Variants in TICRR observed in about 807,000 individuals in gnomAD.
TICRR encodes the protein TOPBP1 interacting checkpoint and replication regulator.
TICRR carries 132 observed loss-of-function variants against 178.1 expected under a neutral mutation model. That is an observed-to-expected ratio of 0.74 (90% CI 0.64 to 0.86). TICRR has a LOEUF of 0.86. Among genes scored for constraint, TICRR ranks in the 40% least tolerant of loss-of-function variants. The pLI is 0.00. For synonymous variants in TICRR, 991 were observed against 900.7 expected (o/e 1.10, Z -1.79); for missense variants, 2,587 against 2,334.3 (o/e 1.11, Z -2.23).
At chr15:89,617,448 A>C (rs1963353071) in intron 16 of TICRR, among the ~76,000 whole-genome samples, 1 of 152,208 alleles carries the variant, frequency 6.6e-6, no homozygotes, top group African/African-American at 2.4e-5. Context: ...TTTTTAATAT[A>C]TTAATGGGGT....
intron 1 of TICRR, among the ~76,000 whole-genome samples, chr15:89,578,870 C>G (rs941671189): frequency 2.6e-5 from 4 of 152,156 alleles, no homozygotes; most frequent in African/African-American, 7.2e-5. Flanking sequence ...TATTCAAAAA[C>G]CTGCCCAGCC....
In TICRR at chr15:89,602,867, A is replaced by T; in HGVS notation, c.2639A>T (p.Lys880Ile). 6.5e-7 allele frequency: 1 copy of T among 1,529,950 alleles called. No individual in the cohort carries two copies. Among genetic ancestry groups the T allele is most frequent in the Non-Finnish European group, 8.8e-7 (1 of 1,138,950 alleles). 94.8% of individuals were successfully genotyped at this position (1,529,950 alleles called of 1,614,324 possible). ...AATCTTCGACAAATTGAAATTCCTA[A>T]AGTGTCAAAGAGAGCTACGAAAAAA... ...SQNLRQIEIP[K>I]VSKRATKKEN... Residue 880 changes from lysine (K) to isoleucine (I), a missense_variant, in exon 13 of 22, where the codon AAA (lysine) becomes ATA (isoleucine). Physicochemically the swap from Lys to Ile is moderately radical, Grantham distance 102. Coordinates refer to ENST00000268138, the MANE Select transcript of TICRR (RefSeq NM_152259.4).
intron 4 of TICRR, among the ~76,000 whole-genome samples, chr15:89,590,985 T>C (rs1458682603): frequency 6.6e-6 from 1 of 152,232 alleles, no homozygotes; most frequent in African/African-American, 2.4e-5. Context: ...TCCATCAGGC[T>C]TATTTTAAGA....
At chr15:89,618,842 C>T (rs987191638) in intron 17 of TICRR, among the ~76,000 whole-genome samples, 1 of 152,176 alleles carries the variant, frequency 6.6e-6, no homozygotes, top group African/African-American at 2.4e-5. Context: ...TCCTATGGTC[C>T]CAGCTACTCG....
intron 4 of TICRR, among the ~76,000 whole-genome samples, chr15:89,586,719 T>C (rs1293444842): frequency 6.6e-6 from 1 of 152,116 alleles, no homozygotes; most frequent in Non-Finnish European, 1.5e-5. Flanking sequence ...GAGTTGCTGG[T>C]AGAGGCGACA....
chr15:89,578,354 G>A (rs1250515716), intron 1 of TICRR, among the ~76,000 whole-genome samples: 2 of 152,142 alleles, frequency 1.3e-5, no homozygotes, highest in African/African-American at 2.4e-5. Flanking sequence ...CAAAAAAGGC[G>A]TGGCAAATGC....
rs1256062348 is a variant in TICRR, at chr15:89,616,504, C to A, written c.2960+9C>A. ...AGACAAATCAAGGGCAGGTGAGTGACATCCCCATCCGGGCTTCTTCATACA... is the reference window on the plus strand; with the variant it reads ...AGACAAATCAAGGGCAGGTGAGTGAAATCCCCATCCGGGCTTCTTCATACA... On this transcript the variant is annotated intron_variant, in intron 16 of 21. Transcript: ENST00000268138. 1.9e-6 allele frequency: 3 copies of A among 1,612,706 alleles called. No individual in the cohort carries two copies. The highest frequency in any genetic ancestry group is 2.5e-6 in the Non-Finnish European group (3 of 1,179,026).
intron 8 of TICRR, among the ~76,000 whole-genome samples, chr15:89,600,169 G>T (rs142243319): frequency 9.1e-4 from 138 of 152,232 alleles, no homozygotes; most frequent in African/African-American, 2.8e-3. Flanking sequence ...TGGGGTTGGC[G>T]CTTTTAAAAA....
At chr15:89,614,455 T>A (rs1463473980) in intron 15 of TICRR, among the ~76,000 whole-genome samples, 1 of 151,920 alleles carries the variant, frequency 6.6e-6, no homozygotes, top group Non-Finnish European at 1.5e-5. Flanking sequence ...GCCTCCCAAG[T>A]AGCTAGCTGG....
intron 14 of TICRR, among the ~76,000 whole-genome samples, chr15:89,607,177 G>GA (rs1269328257): frequency 6.6e-6 from 1 of 151,938 alleles, no homozygotes; most frequent in African/African-American, 2.4e-5. Context: ...TAAATTTAGG[G>GA]AAAAAAATAC....
At chr15:89,583,126 T>G (rs897441703) in intron 2 of TICRR, among the ~76,000 whole-genome samples, 161 bp downstream of exon 2, 1 of 151,854 alleles carries the variant, frequency 6.6e-6, no homozygotes, top group Non-Finnish European at 1.5e-5. Context: ...TCAGAGATAC[T>G]GTAGGAAAGA....
chr15:89,613,091 C>T (rs1186129307), intron 15 of TICRR, among the ~76,000 whole-genome samples: 2 of 152,134 alleles, frequency 1.3e-5, no homozygotes, highest in Admixed American at 6.5e-5. Flanking sequence ...CACAGGACTC[C>T]TTTTAGTATT....
At chr15:89,599,622 C>G (rs1262900783) in intron 8 of TICRR, 147 bp downstream of exon 8, 3 of 747,710 alleles carry the variant, frequency 4.0e-6, no homozygotes, top group East Asian at 5.5e-5. Context: ...AAGTACAGTT[C>G]CAGATCTCAG....
At chr15:89,602,913 G>A (rs1963120128) in intron 13 of TICRR, 21 bp downstream of exon 13, 1 of 1,350,952 alleles carries the variant, frequency 7.4e-7, no homozygotes, top group Non-Finnish European at 9.9e-7. Context: ...CTTCCAGCTT[G>A]AGATGACACA....
chr15:89,620,951 G>A (rs1184499897), intron 18 of TICRR, among the ~76,000 whole-genome samples: 1 of 150,990 alleles, frequency 6.6e-6, no homozygotes, highest in Non-Finnish European at 1.5e-5. Context: ...CTCGATCTCC[G>A]ACTTAGTGAT....
chr15:89,601,048 G>GGAA (rs1238751905), intron 9 of TICRR, among the ~76,000 whole-genome samples: 1 of 74,820 alleles, frequency 1.3e-5, no homozygotes, highest in African/African-American at 5.6e-5. Flanking sequence ...CCTGTCTCAG[G>GGAA]AAAAAAAAAA....
chr15:89,592,234 G>C, intron 5 of TICRR, 58 bp downstream of exon 5: 1 of 1,515,320 alleles, frequency 6.6e-7, no homozygotes, highest in Non-Finnish European at 9.1e-7. Flanking sequence ...TCAGTTATCT[G>C]CATTTTTTTC....
chr15:89,619,045 G>T (rs1342821141), intron 17 of TICRR, among the ~76,000 whole-genome samples: 1 of 152,144 alleles, frequency 6.6e-6, no homozygotes, highest in Non-Finnish European at 1.5e-5. Flanking sequence ...CACATTTATT[G>T]TGGAAAAAAC....
At chr15:89,584,983 C>A (rs964724538) in intron 3 of TICRR, among the ~76,000 whole-genome samples, 7 of 152,176 alleles carry the variant, frequency 4.6e-5, no homozygotes, top group African/African-American at 1.7e-4. Flanking sequence ...AGTAGTTACA[C>A]AAATGTAGAA....
Sources: gnomAD v4.1 joint callset for allele counts (sites outside exome capture counted in the v4.1 genomes callset) on GRCh38, gnomAD v4.1.1 for gene constraint, MANE v1.5 for transcripts, NCBI Gene and HGNC (gene_info 2026-07-23, HGNC 2026-07-21) for gene names.